Variants in RABEP1 observed in about 807,000 individuals in gnomAD.
The protein encoded by RABEP1 is rab GTPase-binding effector protein 1.
A neutral mutation model predicts 123.4 loss-of-function variants in RABEP1; 51 were observed. The ratio of observed to expected loss-of-function variants is 0.41; its 90% CI spans 0.33 to 0.52. RABEP1 has a LOEUF of 0.52. Among genes scored for constraint, RABEP1 ranks in the 20% least tolerant of loss-of-function variants. The pLI, the probability that RABEP1 is intolerant of heterozygous loss-of-function variation, is 0.16. For synonymous variants in RABEP1, 347 were observed against 355.2 expected (o/e 0.98, Z 0.26); for missense variants, 888 against 996.3 (o/e 0.89, Z 1.46).
chr17:5,365,037 T>G, intron 10 of RABEP1, 85 bp from the exon 11 acceptor site: 2 of 801,446 alleles, frequency 2.5e-6, no homozygotes, highest in Non-Finnish European at 3.9e-6. Context: ...AAGAGATTTT[T>G]TTTTAAAATT....
At chr17:5,288,931 C>G (rs1322224765) in intron 1 of RABEP1, among the ~76,000 whole-genome samples, 3 of 151,910 alleles carry the variant, frequency 2.0e-5, no homozygotes, top group South Asian at 2.1e-4. Flanking sequence ...GTCTTGATCT[C>G]CTGTTCTCAA....
intron 6 of RABEP1, among the ~76,000 whole-genome samples, chr17:5,348,827 G>A (rs150866751): frequency 6.6e-6 from 1 of 151,952 alleles, no homozygotes; most frequent in Non-Finnish European, 1.5e-5. Flanking sequence ...TCCCAGAGTG[G>A]TGGGATTACA....
At chr17:5,359,759 A>C (rs1211481754) in intron 8 of RABEP1, among the ~76,000 whole-genome samples, 1 of 152,204 alleles carries the variant, frequency 6.6e-6, no homozygotes, top group African/African-American at 2.4e-5. Flanking sequence ...TTCATTTAAA[A>C]CAGGGCGTTT....
chr17:5,385,159 C>G lies in RABEP1; in HGVS notation c.*1936C>G. 4.4e-6 allele frequency: 1 copy of G among 229,738 alleles called. No individual in the cohort carries two copies. The highest frequency in any genetic ancestry group is 8.6e-6 in the Non-Finnish European group (1 of 115,912). 14.2% of individuals were successfully genotyped at this position (229,738 alleles called of 1,614,324 possible). On this transcript the variant is annotated 3_prime_UTR_variant, in exon 18 of 18. Coordinates refer to ENST00000537505, the MANE Select transcript of RABEP1 (RefSeq NM_004703.6). ...GAATTCACTTTATTGTAGAAAAACC[C>G]AAACTGAGACTCTTAAGTTTTGTTT...
chr17:5,289,733 AATAG>A (rs948744399), intron 1 of RABEP1, among the ~76,000 whole-genome samples: 5 of 151,948 alleles, frequency 3.3e-5, no homozygotes, highest in Admixed American at 6.6e-5. Flanking sequence ...TTTTTTTCTG[AATAG>A]ATAGATAGTT....
At chr17:5,342,447 G>A (rs1025911309) in intron 5 of RABEP1, among the ~76,000 whole-genome samples, 5 of 152,252 alleles carry the variant, frequency 3.3e-5, no homozygotes, top group Non-Finnish European at 2.9e-5. Context: ...AGACCAGCCT[G>A]GCCAGCATGG....
rs142602831 is a variant in RABEP1 at position 5,385,558 on chromosome 17, A to G, written c.*2335A>G. On this transcript the variant is annotated 3_prime_UTR_variant, in exon 18 of 18. Coordinates refer to ENST00000537505, the MANE Select transcript of RABEP1 (RefSeq NM_004703.6). ...AAAATCACATTCTGCATACTAACCT[A>G]TTTTTTTCTCCCTTTAAGGTGCTAA... 1.9e-3 allele frequency: 440 copies of G among 230,752 alleles called. No homozygotes were observed. Among genetic ancestry groups the G allele is most frequent in the Non-Finnish European group, 2.6e-3 (309 of 116,622 alleles). 14.3% of individuals were successfully genotyped at this position (230,752 alleles called of 1,614,324 possible). A position where few individuals can be genotyped will look rare whatever the true frequency, so the allele number is the denominator to read the frequency against.
At chr17:5,335,460 A>T (rs1490554688) in intron 4 of RABEP1, 116 bp downstream of exon 4, 2 of 905,168 alleles carry the variant, frequency 2.2e-6, no homozygotes, top group Admixed American at 5.1e-5. Context: ...GAGAATAATT[A>T]TTTGGACACA....
intron 2 of RABEP1, among the ~76,000 whole-genome samples, chr17:5,314,234 C>CTT (rs71151864): frequency 0.12 from 6,824 of 55,464 alleles, 2,330 homozygotes; most frequent in Non-Finnish European, 0.16. Context: ...AGTACCTATT[C>CTT]TTTTTTTTTT....
intron 3 of RABEP1, among the ~76,000 whole-genome samples, chr17:5,334,402 T>C (rs1216681107): frequency 6.6e-6 from 1 of 152,140 alleles, no homozygotes; most frequent in Non-Finnish European, 1.5e-5. Context: ...CAGCTAATTT[T>C]TGTATTTTTA....
intron 6 of RABEP1, 84 bp from the exon 7 acceptor site, chr17:5,350,367 G>A (rs554251562): frequency 8.3e-6 from 12 of 1,437,380 alleles, no homozygotes; most frequent in African/African-American, 5.7e-5. Flanking sequence ...GCGACAGAGC[G>A]AGACTCCATC....
At position 5,336,080 on chromosome 17, in the gene RABEP1, A is replaced by G. The variant is rs899470517; in HGVS notation, c.528+736A>G. 5.9e-5 allele frequency among the ~76,000 whole-genome samples: 9 copies of G among 152,362 alleles called. No individual in the cohort carries two copies. The East Asian group carries it at 1.7e-3, about 29-fold the overall frequency. Reference sequence around the variant, plus strand: ...TGAGACATTTTATCATTGAGAAAATATTAAAAGCTTTTTAGCTAGTTTAAA... The same window carrying G: ...TGAGACATTTTATCATTGAGAAAATGTTAAAAGCTTTTTAGCTAGTTTAAA... On this transcript the variant is annotated intron_variant, in intron 4 of 17. Transcript: ENST00000537505.
At chr17:5,296,691 G>T (rs2075086993) in intron 1 of RABEP1, among the ~76,000 whole-genome samples, 1 of 152,178 alleles carries the variant, frequency 6.6e-6, no homozygotes, top group Admixed American at 6.5e-5. Context: ...TCTCTTTCAA[G>T]ATTCATCTTA....
Position 5,377,291 on chromosome 17 carries a change from G to T in RABEP1, c.2201G>T (p.Cys734Phe). ...EETLQLEIENCKEEIASISSL... is the reference protein window; with the variant it reads ...EETLQLEIENFKEEIASISSL... ...ACTCTGCAACTAGAAATAGAAAACT[G>T]CAAGGAGGAAATAGGTGAAGATAAA... Residue 734 changes from cysteine (C) to phenylalanine (F), a missense_variant, in exon 14 of 18, where the codon TGC becomes TTC. By Grantham distance (205) the Cys-to-Phe change is radical (BLOSUM62 -2). Transcript: ENST00000537505. The T allele has an allele frequency of 6.3e-7, 1 of 1,583,832 alleles. No individual in the cohort carries two copies. Among genetic ancestry groups the T allele is most frequent in the Non-Finnish European group, 8.5e-7 (1 of 1,172,450 alleles).
At chr17:5,289,661 A>G (rs2641231) in intron 1 of RABEP1, among the ~76,000 whole-genome samples, 55,937 of 152,052 alleles carry the variant, frequency 0.37, 12,516 homozygotes, top group Non-Finnish European at 0.51. Context: ...CCTAAAGAAT[A>G]CAAGACTAGT....
intron 7 of RABEP1, among the ~76,000 whole-genome samples, chr17:5,350,865 A>G (rs958742469): frequency 6.6e-6 from 1 of 152,202 alleles, no homozygotes. Flanking sequence ...CAGTGACTGC[A>G]GGATGCAGCA....
At chr17:5,362,577 C>T (rs1909644238) in intron 9 of RABEP1, among the ~76,000 whole-genome samples, 1 of 152,184 alleles carries the variant, frequency 6.6e-6, no homozygotes, top group Non-Finnish European at 1.5e-5. Flanking sequence ...GGTGACTTGG[C>T]ACTGTTTTTA....
intron 2 of RABEP1, among the ~76,000 whole-genome samples, chr17:5,320,853 G>A (rs1044789763): frequency 6.6e-6 from 1 of 151,924 alleles, no homozygotes; most frequent in Non-Finnish European, 1.5e-5. Flanking sequence ...AGAAAGAAGA[G>A]AGGAGTTACA....
At chr17:5,375,230 TA>T (rs962442999) in intron 13 of RABEP1, among the ~76,000 whole-genome samples, 4 of 119,208 alleles carry the variant, frequency 3.4e-5, no homozygotes, top group Non-Finnish European at 5.3e-5. Context: ...ACATGACTGT[TA>T]TTTTTTATGT....
Sources: gnomAD v4.1 joint callset for allele counts (sites outside exome capture counted in the v4.1 genomes callset) on GRCh38, gnomAD v4.1.1 for gene constraint, MANE v1.5 for transcripts, NCBI Gene and HGNC (gene_info 2026-07-23, HGNC 2026-07-21) for gene names.